The following TENT2 variants were observed in gnomAD, a reference collection of about 807,000 sequenced individuals.
TENT2 encodes the protein terminal nucleotidyltransferase 2.
In TENT2, 44 loss-of-function variants were observed where a neutral mutation model predicts 72.2. That is an observed-to-expected ratio of 0.61 (90% confidence interval 0.48 to 0.78). The LOEUF (loss-of-function observed/expected upper bound fraction) is 0.78. TENT2 is among the 30% of genes least tolerant of loss of function. The probability of loss-of-function intolerance (pLI) is 0.00; values close to 1 mark genes in which losing one functional copy is unlikely to be tolerated. For missense variants in TENT2, 541 were observed against 569.6 expected (o/e 0.95, Z 0.51); for synonymous variants, 212 against 192.5 (o/e 1.10, Z -0.84).
At chr5:79,682,446 AT>A (rs397961608) in intron 14 of TENT2, among the ~76,000 whole-genome samples, 165 of 136,276 alleles carry the variant, frequency 1.2e-3, no homozygotes, top group South Asian at 3.1e-3. Flanking sequence ...CACCCAGCTA[AT>A]TTTTTTTTTT....
chr5:79,668,718 T>G (rs1473574089), intron 11 of TENT2, 174 bp from the exon 12 acceptor site: 2 of 601,832 alleles, frequency 3.3e-6, no homozygotes, highest in Non-Finnish European at 5.7e-6. Flanking sequence ...CATTCTGGTC[T>G]ACTGCAAATA....
chr5:79,677,741 A>T (rs1818305008), intron 12 of TENT2, among the ~76,000 whole-genome samples: 1 of 152,214 alleles, frequency 6.6e-6, no homozygotes. Flanking sequence ...TCCCCTCTTC[A>T]CATTGTTGTT....
intron 4 of TENT2, among the ~76,000 whole-genome samples, chr5:79,625,338 C>T (rs1768602881): frequency 6.6e-6 from 1 of 152,084 alleles, no homozygotes; most frequent in Non-Finnish European, 1.5e-5. Context: ...AATTTATGCT[C>T]CCATTATGTG....
intron 4 of TENT2, among the ~76,000 whole-genome samples, chr5:79,624,771 G>T (rs1282667779): frequency 1.3e-5 from 2 of 152,086 alleles, no homozygotes; most frequent in African/African-American, 4.8e-5. Flanking sequence ...ATACTCTATT[G>T]TATGAATATA....
At chr5:79,678,986 A>G (rs375578368) in intron 12 of TENT2, among the ~76,000 whole-genome samples, 2 of 152,020 alleles carry the variant, frequency 1.3e-5, no homozygotes, top group Admixed American at 6.6e-5. Flanking sequence ...GCTCACTGCA[A>G]CCTCCGCCTC....
At chr5:79,623,707 G>C (rs1004889746) in intron 4 of TENT2, 1 of 354,846 alleles carries the variant, frequency 2.8e-6, no homozygotes, top group Non-Finnish European at 5.0e-6. Flanking sequence ...GATTTTCCCT[G>C]ATATATGAAA....
At chr5:79,636,308 C>A (rs532046951) in intron 4 of TENT2, among the ~76,000 whole-genome samples, 1 of 152,270 alleles carries the variant, frequency 6.6e-6, no homozygotes, top group African/African-American at 2.4e-5. Context: ...AACATATGAC[C>A]ATAACAATTA....
At chr5:79,618,954 T>C (rs191613953) in intron 1 of TENT2, among the ~76,000 whole-genome samples, 1 of 152,346 alleles carries the variant, frequency 6.6e-6, no homozygotes, top group East Asian at 1.9e-4. Flanking sequence ...TCATTTTCAG[T>C]TTATTACTTT....
intron 4 of TENT2, among the ~76,000 whole-genome samples, chr5:79,638,556 A>G (rs1367413981): frequency 2.0e-5 from 3 of 151,958 alleles, no homozygotes. Context: ...CTGCTTGCCT[A>G]TTTTGGTTGT....
chr5:79,652,246 A>T (rs913549039), intron 10 of TENT2, among the ~76,000 whole-genome samples: 2 of 152,034 alleles, frequency 1.3e-5, no homozygotes, highest in Non-Finnish European at 2.9e-5. Context: ...GGGAATGGTT[A>T]AATTAATTAC....
chr5:79,619,470 G>T, intron 1 of TENT2, 142 bp from the exon 2 acceptor site: 1 of 496,534 alleles, frequency 2.0e-6, no homozygotes. Flanking sequence ...ACCTACAGTG[G>T]CACTTAGGAG....
intron 4 of TENT2, among the ~76,000 whole-genome samples, chr5:79,626,497 C>A (rs952554803): frequency 6.6e-6 from 1 of 151,778 alleles, no homozygotes; most frequent in East Asian, 2.0e-4. Flanking sequence ...TTATTAGAGA[C>A]GGGGTTTCAC....
chr5:79,653,906 A>G (rs1345046266), intron 10 of TENT2, among the ~76,000 whole-genome samples: 1 of 152,190 alleles, frequency 6.6e-6, no homozygotes, highest in African/African-American at 2.4e-5. Context: ...TAACACAAAC[A>G]GTTGGATTAA....
chr5:79,617,086 T>C (rs1760818321), intron 1 of TENT2, among the ~76,000 whole-genome samples: 1 of 151,946 alleles, frequency 6.6e-6, no homozygotes. Context: ...ACTTCAATTC[T>C]TCTGGCTACC....
chr5:79,641,159 G>A lies in TENT2; in HGVS notation c.635G>A (p.Ser212Asn). ...TTAAATGGATTTGGTACCCGGAGCA[G>A]TGATGGTGATTTATGCCTAGTTGTT... is the stretch of plus-strand genomic sequence containing the variant. The part of the protein sequence containing the change: ...SSLNGFGTRS[S>N]DGDLCLVVKE... Residue 212 changes from serine to asparagine, a missense_variant, in exon 6 of 15, where the codon AGT becomes AAT. Transcript: ENST00000453514. The A allele has an allele frequency of 6.3e-7, 1 of 1,579,210 alleles. No homozygotes were observed. The highest frequency in any genetic ancestry group is 8.5e-7 in the Non-Finnish European group (1 of 1,170,184).
intron 14 of TENT2, among the ~76,000 whole-genome samples, chr5:79,684,894 C>G (rs1376345261): frequency 6.6e-6 from 1 of 152,184 alleles, no homozygotes; most frequent in Non-Finnish European, 1.5e-5. Flanking sequence ...CTTGTCTCTA[C>G]AAAAAAATTT....
intron 1 of TENT2, chr5:79,614,963 G>A (rs953081350): frequency 5.9e-5 from 9 of 152,100 alleles, no homozygotes; most frequent in Non-Finnish European, 1.0e-4. Context: ...AGCATAGAAC[G>A]AATGCGTCGG....
chr5:79,665,604 A>G (rs1806920741), intron 11 of TENT2, among the ~76,000 whole-genome samples: 2 of 152,194 alleles, frequency 1.3e-5, no homozygotes, highest in Admixed American at 6.5e-5. Flanking sequence ...TAAAGGATCA[A>G]CATTTAAAAA....
intron 14 of TENT2, among the ~76,000 whole-genome samples, chr5:79,682,948 G>T (rs1823218717): frequency 6.6e-6 from 1 of 151,970 alleles, no homozygotes; most frequent in South Asian, 2.1e-4. Flanking sequence ...AGAAGAAAAA[G>T]ATGAGAGAAC....
Sources: gnomAD v4.1 joint callset for allele counts (sites outside exome capture counted in the v4.1 genomes callset) on GRCh38, gnomAD v4.1.1 for gene constraint, MANE v1.5 for transcripts, NCBI Gene and HGNC (gene_info 2026-07-23, HGNC 2026-07-21) for gene names.